Variants in VPS13A observed in about 807,000 individuals in gnomAD.
VPS13A encodes the protein intermembrane lipid transfer protein VPS13A.
Under a neutral mutation model 390.9 loss-of-function variants are expected in VPS13A, and 264 were observed. That is an observed-to-expected ratio of 0.68 (90% CI 0.61 to 0.75). The LOEUF is 0.75. VPS13A is among the 30% of genes least tolerant of loss of function. The pLI is 0.00. For missense variants in VPS13A, 3,409 were observed against 3,733.9 expected (o/e 0.91, Z 2.27); for synonymous variants, 1,231 against 1,227.1 (o/e 1.00, Z -0.07).
chr9:77,388,641 G>A (rs912153258), intron 68 of VPS13A, among the ~76,000 whole-genome samples: 1 of 152,024 alleles, frequency 6.6e-6, no homozygotes, highest in Non-Finnish European at 1.5e-5. Context: ...ATTGTATTAT[G>A]CTATTCTTCT....
chr9:77,358,301 C>T lies in VPS13A; in HGVS notation c.7954-56C>T. On this transcript the variant is annotated intron_variant, in intron 56 of 71. Coordinates refer to ENST00000360280, the MANE Select transcript of VPS13A (RefSeq NM_033305.3). The stretch of plus-strand genomic sequence containing the variant: ...TTTTTGTTCCTCAAATCCTGTTATT[C>T]TGGTCAGGTTGTATAATTGACATAT... 3.6e-6 allele frequency: 5 copies of T among 1,403,982 alleles called. 1 individual carries two copies. The South Asian group carries it at 5.8e-5, about 16-fold the overall frequency. The allele number at this position is 1,403,982 out of a possible 1,614,324, so 87.0% of individuals were successfully genotyped here.
At chr9:77,281,285 T>G (rs944891379) in intron 27 of VPS13A, among the ~76,000 whole-genome samples, 1 of 151,362 alleles carries the variant, frequency 6.6e-6, no homozygotes, top group African/African-American at 2.4e-5. Context: ...ACCAAGAAAG[T>G]GAATTTCAAA....
At chr9:77,263,945 G>A (rs1825893664) in intron 23 of VPS13A, among the ~76,000 whole-genome samples, 1 of 152,122 alleles carries the variant, frequency 6.6e-6, no homozygotes, top group East Asian at 1.9e-4. Flanking sequence ...AAGTGGTCCA[G>A]TTTCAGTTTT....
chr9:77,368,229 A>G, intron 62 of VPS13A, 93 bp downstream of exon 62: 1 of 980,222 alleles, frequency 1.0e-6, no homozygotes, highest in South Asian at 1.4e-5. Flanking sequence ...CTATTGAGGA[A>G]CTAAATAGCC....
At chr9:77,302,202 C>A (rs1037041034) in intron 33 of VPS13A, among the ~76,000 whole-genome samples, 1 of 151,872 alleles carries the variant, frequency 6.6e-6, no homozygotes, top group African/African-American at 2.4e-5. Flanking sequence ...AGGTGATCCA[C>A]CCGCTTTGGC....
chr9:77,408,468 G>T (rs940473188), intron 71 of VPS13A, among the ~76,000 whole-genome samples: 1 of 152,226 alleles, frequency 6.6e-6, no homozygotes, highest in Non-Finnish European at 1.5e-5. Context: ...GCAGCGCACC[G>T]AGCGTGAGCC....
chr9:77,285,906 C>T (rs1827295202), intron 31 of VPS13A, among the ~76,000 whole-genome samples: 2 of 152,146 alleles, frequency 1.3e-5, no homozygotes, highest in African/African-American at 4.8e-5. Context: ...TTGTTGCTAT[C>T]TTATTTATTC....
chr9:77,314,798 G>A (rs1026857920), intron 37 of VPS13A, 134 bp downstream of exon 37: 9 of 786,144 alleles, frequency 1.1e-5, no homozygotes, highest in East Asian at 2.7e-5. Flanking sequence ...CAGTCAGCTC[G>A]TAGTACTCGG....
At chr9:77,177,898 C>G (rs1373554053) in intron 1 of VPS13A, 94 bp downstream of exon 1, 3 of 1,179,980 alleles carry the variant, frequency 2.5e-6, no homozygotes, top group East Asian at 2.6e-5. Flanking sequence ...GCTTCGAGCA[C>G]CTTGCTCGCC....
At chr9:77,383,219 C>T (rs1833532797) in intron 68 of VPS13A, among the ~76,000 whole-genome samples, 1 of 151,852 alleles carries the variant, frequency 6.6e-6, no homozygotes, top group African/African-American at 2.4e-5. Flanking sequence ...TTCTAATATA[C>T]AAAAATGTAA....
At chr9:77,351,254 T>G (rs148912239) in intron 52 of VPS13A, 63 bp from the exon 53 acceptor site, 6 of 1,558,716 alleles carry the variant, frequency 3.8e-6, no homozygotes, top group South Asian at 2.2e-5. Context: ...ATTATTTTAG[T>G]TTTTTTTTAA....
chr9:77,330,185 T>A (rs1830211869), intron 45 of VPS13A, among the ~76,000 whole-genome samples: 1 of 129,736 alleles, frequency 7.7e-6, no homozygotes, highest in Non-Finnish European at 1.8e-5. Context: ...CTGGCTAATC[T>A]TTTAATATTT....
chr9:77,191,295 C>CTTTT (rs200313087), intron 1 of VPS13A, among the ~76,000 whole-genome samples: 2 of 134,566 alleles, frequency 1.5e-5, no homozygotes, highest in Non-Finnish European at 3.2e-5. Flanking sequence ...TTTTCTTCTT[C>CTTTT]TTTTTTTTTT....
chr9:77,407,282 A>G (rs957181608), intron 70 of VPS13A, among the ~76,000 whole-genome samples: 4 of 152,208 alleles, frequency 2.6e-5, no homozygotes, highest in African/African-American at 2.4e-5. Context: ...TCTTTATGGC[A>G]TTAGCAATTA....
chr9:77,361,948 G>A (rs1832164607), intron 59 of VPS13A, among the ~76,000 whole-genome samples: 1 of 152,098 alleles, frequency 6.6e-6, no homozygotes, highest in Non-Finnish European at 1.5e-5. Flanking sequence ...AATATGTTAA[G>A]TAGTTAATTT....
Position 77,221,253 on chromosome 9 carries a change from A to C in VPS13A, c.1058A>C (p.Lys353Thr). The C allele has an allele frequency of 6.2e-7, 1 of 1,613,564 alleles. No individual in the cohort carries two copies. The highest frequency in any genetic ancestry group is 1.1e-5 in the South Asian group (1 of 91,070). Residue 353 changes from lysine (K) to threonine (T), a missense_variant, in exon 13 of 72, where the codon AAG becomes ACG. Lys to Thr is a moderately conservative substitution (Grantham distance 78). Coordinates refer to ENST00000360280, the MANE Select transcript of VPS13A (RefSeq NM_033305.3). ...VCPRLWMWSW[K>T]HIRKHRQKVK... The stretch of plus-strand genomic sequence containing the variant: ...CCCAGGTTATGGATGTGGTCATGGA[A>C]GCATATTAGAAAACATAGGCAAAAA...
At position 77,280,197 on chromosome 9, in the gene VPS13A, G is replaced by T; in HGVS notation, c.2863G>T (p.Asp955Tyr). ...ACCAGTTTATTTGGTTACAACCCTGGATAACACAATGGAAGACCTGTTAAC... is the reference window on the plus strand; with the variant it reads ...ACCAGTTTATTTGGTTACAACCCTGTATAACACAATGGAAGACCTGTTAAC... Reference protein sequence around the residue: ...KKPVYLVTTLDNTMEDLLTLE... With the variant: ...KKPVYLVTTLYNTMEDLLTLE... Residue 955 changes from aspartate to tyrosine, a missense_variant, in exon 27 of 72, where the codon GAT becomes TAT. Asp to Tyr is a radical substitution (Grantham distance 160). Around this residue, in one of 5 missense-constraint regions of VPS13A, gnomAD observed 2,717 missense variants for 2,917.4 expected, o/e 0.93. Transcript: ENST00000360280. 2 of 1,612,774 alleles carry T rather than the reference G, an allele frequency of 1.2e-6. No homozygotes were observed. Among genetic ancestry groups the T allele is most frequent in the South Asian group, 2.2e-5 (2 of 90,970 alleles).
intron 24 of VPS13A, among the ~76,000 whole-genome samples, 184 bp downstream of exon 24, chr9:77,273,548 A>G (rs767495027): frequency 7.2e-5 from 11 of 152,198 alleles, no homozygotes; most frequent in Non-Finnish European, 1.2e-4. Flanking sequence ...CAGATTTACT[A>G]GCATTCATAT....
intron 71 of VPS13A, among the ~76,000 whole-genome samples, chr9:77,411,689 A>T (rs1834938516): frequency 6.7e-6 from 1 of 148,186 alleles, no homozygotes; most frequent in Non-Finnish European, 1.5e-5. Flanking sequence ...AAAAAAAGGA[A>T]CTAGAGAAGC....
Sources: gnomAD v4.1 joint callset for allele counts (sites outside exome capture counted in the v4.1 genomes callset) on GRCh38, gnomAD v4.1.1 for gene constraint, gnomAD v4.1.1 regional missense constraint, MANE v1.5 for transcripts, NCBI Gene and HGNC (gene_info 2026-07-23, HGNC 2026-07-21) for gene names.